Variants in PCCA observed in about 807,000 individuals in gnomAD.
The protein encoded by PCCA is propionyl-CoA carboxylase subunit alpha, also known as propionyl-CoA carboxylase alpha chain, mitochondrial.
In PCCA, 74 loss-of-function variants were observed where a neutral mutation model predicts 101.3. That is an observed-to-expected ratio of 0.73 (90% CI 0.61 to 0.89). The LOEUF (loss-of-function observed/expected upper bound fraction) is 0.89, where lower values mean the gene tolerates loss of function less well. PCCA is among the 40% of genes least tolerant of loss of function. The probability of loss-of-function intolerance (pLI) is 0.00; values close to 1 mark genes in which losing one functional copy is unlikely to be tolerated. For missense variants in PCCA, 891 were observed against 907.0 expected, an observed-to-expected ratio of 0.98 and a Z score of 0.23; for synonymous variants, 294 against 313.6, an observed-to-expected ratio of 0.94 and a Z score of 0.66.
intron 4 of PCCA, among the ~76,000 whole-genome samples, chr13:100,140,983 A>G (rs1312421009): frequency 6.6e-6 from 1 of 152,226 alleles, no homozygotes; most frequent in African/African-American, 2.4e-5. Context: ...CTGGGAGAGA[A>G]AGGAAAGTGT....
intron 21 of PCCA, among the ~76,000 whole-genome samples, chr13:100,476,026 TTATTGTCTCTTCTCAAA>T (rs1276451912): frequency 1.3e-5 from 2 of 152,364 alleles, no homozygotes; most frequent in East Asian, 3.9e-4. Flanking sequence ...TTCTAGGACG[TTATTGTCTCTTCTCAAA>T]TGAGATGATT....
chr13:100,303,042 G>A (rs773421487), intron 14 of PCCA, 44 bp downstream of exon 14: 3 of 1,046,674 alleles, frequency 2.9e-6, no homozygotes, highest in African/African-American at 3.1e-5. Flanking sequence ...TTAAAATCGT[G>A]ATTTATGTCA....
intron 21 of PCCA, among the ~76,000 whole-genome samples, chr13:100,486,980 G>A (rs901537152): frequency 8.5e-5 from 13 of 152,138 alleles, no homozygotes; most frequent in African/African-American, 2.9e-4. Flanking sequence ...AATAGTTGCC[G>A]AACTTGAGCG....
intron 19 of PCCA, among the ~76,000 whole-genome samples, chr13:100,402,749 G>A (rs975747133): frequency 1.3e-5 from 2 of 152,152 alleles, no homozygotes; most frequent in African/African-American, 4.8e-5. Context: ...GGGGCAGGGG[G>A]GATGAGGCAG....
intron 9 of PCCA, 120 bp from the exon 10 acceptor site, chr13:100,262,609 G>A: frequency 1.4e-6 from 1 of 691,076 alleles, no homozygotes; most frequent in Non-Finnish European, 2.6e-6. Flanking sequence ...TTAATCGATT[G>A]TGTTTTCTTT....
chr13:100,481,432 C>G (rs1566423692), intron 21 of PCCA, among the ~76,000 whole-genome samples: 1 of 152,162 alleles, frequency 6.6e-6, no homozygotes. Flanking sequence ...GTGGCACATA[C>G]CTGTAGTCCC....
rs138787312 is a variant in PCCA at position 100,382,046 on chromosome 13, C to T, written c.1746+13472C>T. On this transcript the variant is annotated intron_variant, in intron 19 of 23. Transcript: ENST00000376285. ...CTTAAGTGTTAACAGCTCAGTTGGC[C>T]TGCTGCTGCCCTCCACCAGCGAGGG... Among the ~76,000 whole-genome samples the T allele has an allele frequency of 3.9e-5, 6 of 152,388 alleles. No homozygotes were observed. The East Asian group carries it at 1.2e-3, about 29-fold the overall frequency.
chr13:100,251,959 A>G (rs553722513), intron 8 of PCCA, among the ~76,000 whole-genome samples: 2 of 151,174 alleles, frequency 1.3e-5, no homozygotes, highest in African/African-American at 4.9e-5. Context: ...ATCAGCACAA[A>G]ACAACAAACA....
intron 16 of PCCA, among the ~76,000 whole-genome samples, chr13:100,317,854 T>C (rs150728902): frequency 1.3e-5 from 2 of 152,116 alleles, no homozygotes; most frequent in African/African-American, 4.8e-5. Flanking sequence ...TCCCAAAATG[T>C]TGCAATAACA....
chr13:100,203,257 GA>G (rs1422871490), intron 6 of PCCA, among the ~76,000 whole-genome samples: 1 of 148,200 alleles, frequency 6.7e-6, no homozygotes, highest in African/African-American at 2.5e-5. Context: ...CTGGGTGACA[GA>G]GTGAGACTCC....
chr13:100,194,474 G>A (rs1157456235), intron 6 of PCCA, among the ~76,000 whole-genome samples: 1 of 152,156 alleles, frequency 6.6e-6, no homozygotes, highest in African/African-American at 2.4e-5. Context: ...CTGGAGTGCA[G>A]TGGTGCAACT....
chr13:100,422,666 A>C (rs1595850564), intron 19 of PCCA, among the ~76,000 whole-genome samples: 1 of 151,918 alleles, frequency 6.6e-6, no homozygotes, highest in South Asian at 2.1e-4. Flanking sequence ...TATCTATTTC[A>C]TTTTATATGA....
At chr13:100,365,185 A>G (rs1279473965) in intron 18 of PCCA, among the ~76,000 whole-genome samples, 2 of 152,244 alleles carry the variant, frequency 1.3e-5, no homozygotes, top group Admixed American at 1.3e-4. Flanking sequence ...AACAGATTGA[A>G]TAAGTTCTCA....
At chr13:100,490,597 A>G (rs2084832217) in intron 21 of PCCA, 1 of 152,226 alleles carries the variant, frequency 6.6e-6, no homozygotes, top group African/African-American at 2.4e-5. Context: ...TTTACAGATA[A>G]CATTCACCTC....
At chr13:100,440,326 A>T (rs1043999112) in intron 20 of PCCA, among the ~76,000 whole-genome samples, 1 of 150,836 alleles carries the variant, frequency 6.6e-6, no homozygotes, top group Non-Finnish European at 1.5e-5. Flanking sequence ...TATCTGTAGT[A>T]TATATACAAA....
chr13:100,094,805 C>T (rs1309249225), intron 1 of PCCA, among the ~76,000 whole-genome samples: 1 of 152,190 alleles, frequency 6.6e-6, no homozygotes, highest in Non-Finnish European at 1.5e-5. Context: ...CCTGGCTGGT[C>T]TTGAACTCTT....
intron 16 of PCCA, among the ~76,000 whole-genome samples, 168 bp downstream of exon 16, chr13:100,310,076 G>A (rs537097239): frequency 1.5e-4 from 23 of 152,240 alleles, no homozygotes; most frequent in South Asian, 4.1e-4. Flanking sequence ...AAGTATAGCC[G>A]TTTCCACTGT....
chr13:100,530,061 T>A (rs1474681846), intron 23 of PCCA, 37 bp from the exon 24 acceptor site: 2 of 1,546,314 alleles, frequency 1.3e-6, no homozygotes, highest in Admixed American at 1.7e-5. Flanking sequence ...TTACTAATTC[T>A]TACTCTCCCC....
At chr13:100,160,346 C>T (rs111834074) in intron 6 of PCCA, among the ~76,000 whole-genome samples, 3,335 of 151,854 alleles carry the variant, frequency 0.022, 126 homozygotes, top group African/African-American at 0.077. Flanking sequence ...CTACTAAAAA[C>T]ATAAAAATTG....
Sources: allele counts gnomAD v4.1 joint callset (sites outside exome capture counted in the v4.1 genomes callset), GRCh38; gene constraint gnomAD v4.1.1; transcripts MANE v1.5; gene names NCBI Gene and HGNC (gene_info 2026-07-23, HGNC 2026-07-21).